The following GEMIN5 variants were observed in gnomAD, a reference collection of about 807,000 sequenced individuals.
GEMIN5 encodes gem-associated protein 5.
GEMIN5 carries 124 observed loss-of-function variants against 176.9 expected under a neutral mutation model. The ratio of observed to expected loss-of-function variants is 0.70; its 90% CI spans 0.61 to 0.81. The LOEUF is 0.81. Ranked by LOEUF, GEMIN5 falls within the 40% of genes least tolerant of loss-of-function variation. The pLI is 0.00. For missense variants in GEMIN5, 1,843 were observed against 1,814.6 expected (o/e 1.02, Z -0.28); for synonymous variants, 673 against 665.2 (o/e 1.01, Z -0.18).
At chr5:154,905,510 A>G in intron 16 of GEMIN5, 34 bp from the exon 17 acceptor site, 1 of 1,019,130 alleles carries the variant, frequency 9.8e-7, no homozygotes, top group Non-Finnish European at 1.5e-6. Context: ...AAAAAAAGTT[A>G]AGGATAACAA....
chr5:154,906,062 TCA>T (rs1433634485), intron 16 of GEMIN5, among the ~76,000 whole-genome samples: 1 of 151,680 alleles, frequency 6.6e-6, no homozygotes, highest in Non-Finnish European at 1.5e-5. Flanking sequence ...GTGGGTGCAA[TCA>T]CAGTCACTGA....
rs1414304043 is a variant in GEMIN5, at chr5:154,901,398, T to C, written c.2955A>G (p.Leu985=). The C allele has an allele frequency of 6.2e-7, 1 of 1,614,012 alleles. No homozygotes were observed. The highest frequency in any genetic ancestry group is 1.1e-5 in the South Asian group (1 of 91,060). The part of the protein sequence containing the change: ...QDQYVKAASH[L]LSIHKVYEAV... ...CTTCATACACTTTGTGGATGGAAAG[T>C]AGGTGAGAAGCAGCCTTGACATACT... The change falls in exon 21 of 28, where the codon CTA becomes CTG. Residue 985 remains leucine (L), a synonymous_variant. Transcript: ENST00000285873.
chr5:154,901,297 C>G, intron 21 of GEMIN5, 42 bp downstream of exon 21: 1 of 1,561,122 alleles, frequency 6.4e-7, no homozygotes, highest in East Asian at 2.3e-5. Flanking sequence ...GTTATTTTCA[C>G]ATTATGTCCA....
Position 154,917,052 on chromosome 5 carries a change from C to T in GEMIN5, c.1801G>A (p.Ala601Thr). 6.2e-7 allele frequency: 1 copy of T among 1,608,462 alleles called. No homozygotes were observed. The highest frequency in any genetic ancestry group is 8.5e-7 in the Non-Finnish European group (1 of 1,175,882). The change falls in exon 13 of 28, where the codon GCC becomes ACC. Residue 601 changes from alanine to threonine, a missense_variant. Ala to Thr is a moderately conservative substitution (Grantham distance 58). Coordinates refer to ENST00000285873, the MANE Select transcript of GEMIN5 (RefSeq NM_015465.5). ...GSQPELSYLM[A>T]SGSNNAVIYV... ...ATGACTGCATTGTTGGAGCCAGAGG[C>T]CATCAGATAGCTCAATTCTGGCTGG...
intron 13 of GEMIN5, among the ~76,000 whole-genome samples, chr5:154,915,193 C>T (rs1159330088): frequency 1.3e-5 from 2 of 152,242 alleles, no homozygotes; most frequent in South Asian, 2.1e-4. Flanking sequence ...ATACTTTTTC[C>T]ATATTGCTTT....
chr5:154,888,016 A>AT lies in GEMIN5; in HGVS notation c.*193_*194insA. On this transcript the variant is annotated 3_prime_UTR_variant, in exon 28 of 28. Transcript: ENST00000285873. ...GATCTTCCCTCCAGTAGGAGACCAC[A>AT]ATTGAGTCTAAAGTCAGATCCACCG... 1.7e-6 allele frequency: 1 copy of AT among 573,666 alleles called. No individual in the cohort carries two copies. The highest frequency in any genetic ancestry group is 3.1e-6 in the Non-Finnish European group (1 of 324,312). The allele number at this position is 573,666 out of a possible 1,614,324, so 35.5% of individuals were successfully genotyped here. A position where few individuals can be genotyped will look rare whatever the true frequency, so the allele number is the denominator to read the frequency against.
intron 14 of GEMIN5, among the ~76,000 whole-genome samples, chr5:154,912,402 A>T (rs1006630109): frequency 6.6e-6 from 1 of 152,172 alleles, no homozygotes; most frequent in African/African-American, 2.4e-5. Context: ...TTACAACTCA[A>T]CACTAAGCGA....
intron 13 of GEMIN5, among the ~76,000 whole-genome samples, chr5:154,913,958 A>C (rs1763759499): frequency 6.6e-6 from 1 of 152,154 alleles, no homozygotes; most frequent in Non-Finnish European, 1.5e-5. Flanking sequence ...CTATAACTGC[A>C]CCACTACACT....
At position 154,897,651 on chromosome 5, in the gene GEMIN5, T is replaced by A. The variant is rs562541128; in HGVS notation, c.3345+789A>T. Among the ~76,000 whole-genome samples the A allele has an allele frequency of 3.9e-5, 6 of 152,300 alleles. No homozygotes were observed. In the South Asian group the frequency reaches 1.2e-3, roughly 32 times the overall value. ...ACAGATGTGTGCCACCATGCCTGGC[T>A]AATTTTTTTATTTTTAGTAGAGACA... On this transcript the variant is annotated intron_variant, in intron 23 of 27. Transcript: ENST00000285873.
At position 154,923,217 on chromosome 5, in the gene GEMIN5, C is replaced by T. The variant is rs146356009; in HGVS notation, c.1379+1252G>A. Among the ~76,000 whole-genome samples the T allele has an allele frequency of 6.4e-3, 971 of 152,160 alleles. 10 individuals carry two copies. The highest frequency in any genetic ancestry group is 0.02 in the African/African-American group (847 of 41,510). On this transcript the variant is annotated intron_variant, in intron 9 of 27. Coordinates refer to ENST00000285873, the MANE Select transcript of GEMIN5 (RefSeq NM_015465.5). ...CACGGAGAAACCCTGTCTGTCTCTACTAAAGATACAAAATTAGCCAGGTGT... is the reference window on the plus strand; with the variant it reads ...CACGGAGAAACCCTGTCTGTCTCTATTAAAGATACAAAATTAGCCAGGTGT...
In GEMIN5 at chr5:154,898,461, C is replaced by T; in HGVS notation, c.3324G>A (p.Leu1108=). The change falls in exon 23 of 28, where the codon CTG becomes CTA. Residue 1108 remains leucine, a synonymous_variant. Transcript: ENST00000285873. ...TGACCTGTAGACTTTCATGCAGCTG[C>T]AGGGCTTCCTGGGCTCCCACCCAGT... ...ANNWVGAQEA[L]QLHESLQGQR... 6.2e-7 allele frequency: 1 copy of T among 1,614,048 alleles called. No individual in the cohort carries two copies. The highest frequency in any genetic ancestry group is 8.5e-7 in the Non-Finnish European group (1 of 1,179,902).
At chr5:154,936,180 G>A (rs1384009089) in intron 2 of GEMIN5, among the ~76,000 whole-genome samples, 158 bp from the exon 3 acceptor site, 4 of 152,178 alleles carry the variant, frequency 2.6e-5, no homozygotes, top group African/African-American at 9.7e-5. Flanking sequence ...ACTTTGGGAG[G>A]CCGAGGCGGG....
In GEMIN5 at chr5:154,891,828, T is replaced by C; in HGVS notation, c.3761-86A>G. The C allele has an allele frequency of 2.2e-6, 3 of 1,352,120 alleles. No individual in the cohort carries two copies. The Admixed American group carries it at 6.9e-5, about 31-fold the overall frequency. 83.8% of individuals were successfully genotyped at this position (1,352,120 alleles called of 1,614,324 possible). A position where few individuals can be genotyped will look rare whatever the true frequency, so the allele number is the denominator to read the frequency against. The stretch of plus-strand genomic sequence containing the variant: ...TCCTGCCCTTATGTTCTATTTCTTA[T>C]CAACCAAGAAGCAGACCCCAGGAAA... On this transcript the variant is annotated intron_variant, in intron 25 of 27. Coordinates refer to ENST00000285873, the MANE Select transcript of GEMIN5 (RefSeq NM_015465.5).
At chr5:154,902,411 T>C (rs192534727) in intron 20 of GEMIN5, 128 bp downstream of exon 20, 425 of 816,680 alleles carry the variant, frequency 5.2e-4, no homozygotes, top group Admixed American at 1.1e-3. Flanking sequence ...TGTCTATTGC[T>C]GTCTATTGCT....
Position 154,931,491 on chromosome 5 carries a change from T to G in GEMIN5, c.748A>C (p.Thr250Pro). The G allele has an allele frequency of 6.2e-7, 1 of 1,613,266 alleles. No individual in the cohort carries two copies. The highest frequency in any genetic ancestry group is 8.5e-7 in the Non-Finnish European group (1 of 1,179,262). ...CYLATGSKDQ[T>P]IRIWSCSRGR... ...CTAGAACAGCTCCAGATTCGAATGG[T>G]TTGATCTTTGCTTCCAGTGGCTAAG... The change falls in exon 5 of 28, where the codon ACC becomes CCC. Residue 250 changes from threonine (T) to proline (P), a missense_variant. Coordinates refer to ENST00000285873, the MANE Select transcript of GEMIN5 (RefSeq NM_015465.5).
chr5:154,915,838 T>TA (rs1324089145), intron 13 of GEMIN5, among the ~76,000 whole-genome samples: 2 of 152,150 alleles, frequency 1.3e-5, no homozygotes, highest in African/African-American at 2.4e-5. Flanking sequence ...GCAGTAAGTA[T>TA]AAAAAACTAC....
intron 26 of GEMIN5, among the ~76,000 whole-genome samples, 175 bp downstream of exon 26, chr5:154,891,066 T>TC (rs1763214249): frequency 6.8e-6 from 1 of 146,178 alleles, no homozygotes; most frequent in Non-Finnish European, 1.5e-5. Flanking sequence ...TTTTTTTTTT[T>TC]TTTTTTTTTT....
rs1251372072 is a variant in GEMIN5, at chr5:154,896,125, G to A, written c.3564C>T (p.Tyr1188=). The A allele has an allele frequency of 1.1e-5, 17 of 1,613,740 alleles. No homozygotes were observed. The highest frequency in any genetic ancestry group is 1.4e-5 in the Non-Finnish European group (17 of 1,179,912). ...EAFQKLQNIK[Y]PSATNNTPAK... is the part of the protein sequence containing the mutation. ...CAGGTGTGTTATTTGTAGCAGATGG[G>A]TACTTGATGTTCTGCAGCTTCTGAA... Residue 1188 remains tyrosine, a synonymous_variant, in exon 24 of 28, where the codon TAC becomes TAT. Transcript: ENST00000285873.
At chr5:154,935,794 G>A (rs13182236) in intron 3 of GEMIN5, 47 bp downstream of exon 3, 110,875 of 1,358,324 alleles carry the variant, frequency 0.082, 5,005 homozygotes, top group South Asian at 0.1. Flanking sequence ...TGCAAAACAC[G>A]ATCATAAACA....
Sources: gnomAD v4.1 joint callset for allele counts (sites outside exome capture counted in the v4.1 genomes callset) on GRCh38, gnomAD v4.1.1 for gene constraint, MANE v1.5 for transcripts, NCBI Gene and HGNC (gene_info 2026-07-23, HGNC 2026-07-21) for gene names.